The following GAB3 variants were observed in gnomAD, a reference collection of about 807,000 sequenced individuals.
GAB3 encodes the protein GRB2-associated-binding protein 3.
Under a neutral mutation model 40.4 loss-of-function variants are expected in GAB3, and 12 were observed. That is an observed-to-expected ratio of 0.30 (90% CI 0.19 to 0.48). The LOEUF is 0.48. Among genes scored for constraint, GAB3 ranks in the 20% least tolerant of loss-of-function variants. GAB3 has a pLI of 0.99. For missense variants in GAB3, 381 were observed against 461.9 expected, an observed-to-expected ratio of 0.82 and a Z score of 1.61; for synonymous variants, 154 against 176.7, an observed-to-expected ratio of 0.87 and a Z score of 1.02.
chrX:154,692,057 A>C (rs1359576008), intron 8 of GAB3, among the ~76,000 whole-genome samples: 2 of 112,062 alleles, frequency 1.8e-5, no homozygotes, highest in African/African-American at 6.5e-5. Flanking sequence ...TAAAACTATA[A>C]AACTTTTAGA....
In GAB3 at chrX:154,677,499, C is replaced by T. The variant is rs892595686; in HGVS notation, c.*679G>A. On this transcript the variant is annotated 3_prime_UTR_variant, in exon 10 of 10. Coordinates refer to ENST00000424127, the MANE Select transcript of GAB3 (RefSeq NM_001081573.3). ...TTTTCTTCAAAGTGGCATCAACAGT[C>T]TCTTCCAGGCCTATCTTCCAAGGTC... 5.4e-5 allele frequency: 6 copies of T among 111,994 alleles called. No homozygotes were observed. Among genetic ancestry groups the T allele is most frequent in the African/African-American group, 2.0e-4 (6 of 30,765 alleles). The allele number at this position is 111,994 out of a possible 1,213,427, so 9.2% of individuals were successfully genotyped here.
At chrX:154,709,459 C>G (rs868931144) in intron 4 of GAB3, among the ~76,000 whole-genome samples, 4 of 108,510 alleles carry the variant, frequency 3.7e-5, no homozygotes, top group Admixed American at 2.0e-4. Flanking sequence ...TAGCTGGGAC[C>G]ACAGGCACCC....
At chrX:154,751,292 G>C (rs1340895492), upstream of GAB3, among the ~76,000 whole-genome samples, 21 of 92,279 alleles carry the variant, frequency 2.3e-4, no homozygotes, top group African/African-American at 2.6e-4. Context: ...CCCGGGGGGG[G>C]GGTGTGGGGG....
chrX:154,721,095 G>A (rs2071125739), intron 1 of GAB3, among the ~76,000 whole-genome samples: 1 of 111,562 alleles, frequency 9.0e-6, no homozygotes, highest in African/African-American at 3.3e-5. Flanking sequence ...CCTATGTACT[G>A]GGAAAAAATG....
intron 6 of GAB3, among the ~76,000 whole-genome samples, chrX:154,698,848 C>T (rs932702847): frequency 8.9e-6 from 1 of 111,979 alleles, no homozygotes; most frequent in African/African-American, 3.2e-5. Context: ...GAGTGATAAA[C>T]TGCATGTGAC....
chrX:154,713,742 C>CATATATATATATATAT (rs59885867), intron 2 of GAB3, among the ~76,000 whole-genome samples: 6 of 19,658 alleles, frequency 3.1e-4, no homozygotes, highest in Non-Finnish European at 5.1e-4. Context: ...AACTAACAAA[C>CATATATATATATATAT]ATATATATAT....
intron 6 of GAB3, among the ~76,000 whole-genome samples, chrX:154,697,644 C>T (rs2070681855): frequency 8.9e-6 from 1 of 111,979 alleles, no homozygotes. Flanking sequence ...CCATTGTCCA[C>T]CTGATGATCC....
At chrX:154,711,940 T>G (rs782782553) in intron 4 of GAB3, among the ~76,000 whole-genome samples, 2 of 111,679 alleles carry the variant, frequency 1.8e-5, no homozygotes, top group Non-Finnish European at 3.8e-5. Context: ...GTGGTCAGGC[T>G]CAAAGGAGGG....
intron 8 of GAB3, among the ~76,000 whole-genome samples, chrX:154,687,155 G>A (rs782229316): frequency 5.5e-5 from 6 of 110,018 alleles, no homozygotes; most frequent in African/African-American, 1.7e-4. Flanking sequence ...TTGTGCCACT[G>A]CACTCCAACC....
intron 8 of GAB3, among the ~76,000 whole-genome samples, chrX:154,691,672 CT>C (rs782201170): frequency 9.0e-6 from 1 of 111,482 alleles, no homozygotes; most frequent in East Asian, 2.8e-4. Context: ...ATAAAAAACC[CT>C]GTCCTTAAAG....
intron 5 of GAB3, 60 bp from the exon 6 acceptor site, chrX:154,699,573 G>T: frequency 1.0e-6 from 1 of 999,987 alleles, no homozygotes; most frequent in Non-Finnish European, 1.4e-6. Flanking sequence ...TGCTATCAGA[G>T]GGCGGCCAAA....
In GAB3 at chrX:154,696,019, G is replaced by C; in HGVS notation, c.1428C>G (p.Cys476Trp). The change falls in exon 8 of 10, where the codon TGC (cysteine) becomes TGG (tryptophan). Residue 476 changes from cysteine to tryptophan, a missense_variant and splice_region_variant. This residue lies in a region of GAB3 where 364 missense variants were observed against 421.0 expected (regional missense o/e 0.86). Transcript: ENST00000424127. ...CTGGAGAGAGAAAGCTGGTTCGACT[G>C]CTAAGAATAAAAATATAGATGAGGT... ...ASLTRTRTVP[C>W]SRTSFLSPER... is the part of the protein sequence containing the mutation. The C allele has an allele frequency of 8.8e-7, 1 of 1,137,342 alleles. No individual in the cohort carries two copies. Among genetic ancestry groups the C allele is most frequent in the Non-Finnish European group, 1.2e-6 (1 of 831,490 alleles). 93.7% of individuals were successfully genotyped at this position (1,137,342 alleles called of 1,213,427 possible). A position where few individuals can be genotyped will look rare whatever the true frequency, so the allele number is the denominator to read the frequency against.
At chrX:154,679,333 C>CTCTGTAA (rs1557246284) in intron 9 of GAB3, 1 of 295,604 alleles carries the variant, frequency 3.4e-6, no homozygotes, top group East Asian at 1.0e-4. Context: ...AACACAAAGG[C>CTCTGTAA]TCTGGCCTGC....
At chrX:154,697,947 G>A (rs1212494081) in intron 6 of GAB3, among the ~76,000 whole-genome samples, 1 of 111,827 alleles carries the variant, frequency 8.9e-6, no homozygotes, top group Non-Finnish European at 1.9e-5. Flanking sequence ...ATCCACCTTT[G>A]CATCCACTCA....
At chrX:154,681,511 T>C (rs1371554678) in intron 8 of GAB3, among the ~76,000 whole-genome samples, 1 of 110,885 alleles carries the variant, frequency 9.0e-6, no homozygotes, top group African/African-American at 3.3e-5. Flanking sequence ...CCCTTAGTAC[T>C]TTTTCCTCTG....
chrX:154,735,223 T>C (rs2071348067), intron 1 of GAB3, among the ~76,000 whole-genome samples: 1 of 111,980 alleles, frequency 8.9e-6, no homozygotes, highest in Non-Finnish European at 1.9e-5. Context: ...TAAATATCTA[T>C]CAAAAGGTTG....
intron 1 of GAB3, among the ~76,000 whole-genome samples, 163 bp downstream of exon 1, chrX:154,750,791 T>C (rs1557262570): frequency 9.0e-6 from 1 of 111,472 alleles, no homozygotes; most frequent in Non-Finnish European, 1.9e-5. Context: ...CGAAGCTGGC[T>C]CGACGTGCGA....
intron 8 of GAB3, among the ~76,000 whole-genome samples, chrX:154,687,587 T>C (rs782651734): frequency 1.1e-5 from 1 of 91,213 alleles, no homozygotes; most frequent in South Asian, 5.3e-4. Context: ...TGAGCCGAGA[T>C]GGCGCCACTG....
intron 1 of GAB3, among the ~76,000 whole-genome samples, chrX:154,749,242 G>C (rs2071574398): frequency 8.9e-6 from 1 of 112,347 alleles, no homozygotes; most frequent in Non-Finnish European, 1.9e-5. Context: ...CAAAGTTGAT[G>C]AAATACTAAT....
Sources: gnomAD v4.1 joint callset for allele counts (sites outside exome capture counted in the v4.1 genomes callset) on GRCh38, gnomAD v4.1.1 for gene constraint, gnomAD v4.1.1 regional missense constraint, MANE v1.5 for transcripts, NCBI Gene and HGNC (gene_info 2026-07-23, HGNC 2026-07-21) for gene names.